Variants in PITPNC1 observed in about 807,000 individuals in gnomAD.
PITPNC1 encodes the protein phosphatidylinositol transfer protein cytoplasmic 1.
PITPNC1 carries 18 observed loss-of-function variants against 44.7 expected under a neutral mutation model. The ratio of observed to expected loss-of-function variants is 0.40; its 90% CI spans 0.28 to 0.60. PITPNC1 has a LOEUF of 0.60. PITPNC1 is among the 20% of genes least tolerant of loss of function. The probability of loss-of-function intolerance (pLI) is 0.39; values close to 1 mark genes in which losing one functional copy is unlikely to be tolerated. For synonymous variants in PITPNC1, 141 were observed against 149.6 expected (o/e 0.94, Z 0.42); for missense variants, 290 against 418.4 (o/e 0.69, Z 2.68).
At chr17:67,471,212 T>TAAA (rs150754373) in intron 1 of PITPNC1, among the ~76,000 whole-genome samples, 1 of 94,192 alleles carries the variant, frequency 1.1e-5, no homozygotes, top group Non-Finnish European at 2.2e-5. Context: ...AAAAATAAAT[T>TAAA]AAAAAAAAAA....
intron 1 of PITPNC1, among the ~76,000 whole-genome samples, chr17:67,494,064 A>G (rs925161136): frequency 2.0e-5 from 3 of 152,174 alleles, no homozygotes; most frequent in African/African-American, 7.2e-5. Context: ...CTGACCTTCC[A>G]GTGGGAGCTT....
intron 1 of PITPNC1, among the ~76,000 whole-genome samples, chr17:67,509,659 C>A (rs1225792306): frequency 6.6e-6 from 1 of 152,170 alleles, no homozygotes; most frequent in South Asian, 2.1e-4. Context: ...CTGTGGTCCC[C>A]TCTGATCAGA....
chr17:67,675,503 G>A lies in PITPNC1; in HGVS notation c.643G>A (p.Gly215Arg). The change falls in exon 8 of 9, where the codon GGA (glycine) becomes AGA (arginine). Residue 215 changes from glycine (G) to arginine (R), a missense_variant. By Grantham distance (125) the Gly-to-Arg change is moderately radical. Transcript: ENST00000581322. ...HKVVRDILLI[G>R]HRQAFAWVDE... ...GGTGGTCCGAGACATTCTGCTGATT[G>A]GACATAGACAGGCTTTTGCATGGGT... 6.2e-7 allele frequency: 1 copy of A among 1,610,982 alleles called. No homozygotes were observed. Among genetic ancestry groups the A allele is most frequent in the Non-Finnish European group, 8.5e-7 (1 of 1,177,188 alleles).
Position 67,446,638 on chromosome 17 carries a change from G to A in PITPNC1, c.48+68436G>A, listed in dbSNP as rs752320296. On this transcript the variant is annotated intron_variant, in intron 1 of 8. Coordinates refer to ENST00000581322, the MANE Select transcript of PITPNC1 (RefSeq NM_012417.4). ...GATACTTTAGTGTTTGTAAAGGGAG[G>A]GTTGACTATTTGTGCAGGTTTCAAA... Among the ~76,000 whole-genome samples the A allele has an allele frequency of 5.7e-4, 87 of 151,606 alleles. 2 individuals are homozygous for A. The highest frequency in any genetic ancestry group is 9.9e-4 in the Non-Finnish European group (67 of 67,886).
At chr17:67,652,467 G>A (rs561603931) in intron 6 of PITPNC1, among the ~76,000 whole-genome samples, 5 of 152,316 alleles carry the variant, frequency 3.3e-5, no homozygotes, top group African/African-American at 1.2e-4. Context: ...TGGCCCCAGG[G>A]AAACAGCCCT....
intron 4 of PITPNC1, among the ~76,000 whole-genome samples, chr17:67,561,258 C>A (rs2040903007): frequency 2.0e-5 from 3 of 152,172 alleles, no homozygotes; most frequent in Admixed American, 6.5e-5. Context: ...GAGTTCAAGG[C>A]AAGCCTGGCC....
At chr17:67,481,487 T>C (rs1401409185) in intron 1 of PITPNC1, among the ~76,000 whole-genome samples, 2 of 152,214 alleles carry the variant, frequency 1.3e-5, no homozygotes, top group Non-Finnish European at 2.9e-5. Flanking sequence ...TTTCGGTCTC[T>C]GCTAAATTTA....
At chr17:67,547,921 C>T (rs2040706738) in intron 2 of PITPNC1, among the ~76,000 whole-genome samples, 1 of 152,178 alleles carries the variant, frequency 6.6e-6, no homozygotes, top group African/African-American at 2.4e-5. Flanking sequence ...AACCTTGTTG[C>T]TGCTGATGCT....
chr17:67,426,558 T>G (rs191473167), intron 1 of PITPNC1, among the ~76,000 whole-genome samples: 100 of 144,118 alleles, frequency 6.9e-4, no homozygotes, highest in Middle Eastern at 3.5e-3. Context: ...AGTTGAACAA[T>G]GAGAACACAT....
Position 67,692,585 on chromosome 17 carries a change from T to C in PITPNC1, c.696T>C (p.Asp232=). The C allele has an allele frequency of 6.2e-7, 1 of 1,612,788 alleles. No individual in the cohort carries two copies. The highest frequency in any genetic ancestry group is 1.1e-5 in the South Asian group (1 of 91,072). ...TTCTCCTTGAAGACATGACAATGGA[T>C]GAAGTCCGAGAATTTGAACGAGCCA... ...WVDEWYDMTM[D]EVREFERATQ... Residue 232 remains aspartate, a synonymous_variant, in exon 9 of 9, where the codon GAT becomes GAC. Transcript: ENST00000581322.
chr17:67,511,439 C>T lies in PITPNC1; in HGVS notation c.49-21363C>T, dbSNP rs548847298. On this transcript the variant is annotated intron_variant, in intron 1 of 8. Coordinates refer to ENST00000581322, the MANE Select transcript of PITPNC1 (RefSeq NM_012417.4). ...GTTGCCAAATCATCTTCCTAAAGGA[C>T]TTAACCATTTTGTTCTTCCACCACA... Among the ~76,000 whole-genome samples the T allele has an allele frequency of 4.6e-5, 7 of 152,298 alleles. No homozygotes were observed. In the South Asian group the frequency reaches 1.4e-3, roughly 32 times the overall value.
At chr17:67,419,855 G>A (rs1256625195) in intron 1 of PITPNC1, among the ~76,000 whole-genome samples, 3 of 151,910 alleles carry the variant, frequency 2.0e-5, no homozygotes, top group African/African-American at 7.3e-5. Flanking sequence ...GCAGTGAGCC[G>A]AGACTGTGCC....
chr17:67,584,912 C>T (rs1265460843), intron 5 of PITPNC1, among the ~76,000 whole-genome samples: 1 of 151,878 alleles, frequency 6.6e-6, no homozygotes, highest in Non-Finnish European at 1.5e-5. Context: ...GTCGGGAGTT[C>T]GAGATCAGCC....
chr17:67,458,644 A>T (rs1436553642), intron 1 of PITPNC1, among the ~76,000 whole-genome samples: 2 of 152,182 alleles, frequency 1.3e-5, no homozygotes, highest in Admixed American at 6.5e-5. Flanking sequence ...TTGTAGTTTT[A>T]TCATTCCAAG....
At chr17:67,408,106 C>T (rs533028252) in intron 1 of PITPNC1, among the ~76,000 whole-genome samples, 18 of 150,740 alleles carry the variant, frequency 1.2e-4, no homozygotes, top group African/African-American at 2.9e-4. Context: ...AGGCATGCAC[C>T]GCCACGCCCA....
intron 1 of PITPNC1, among the ~76,000 whole-genome samples, chr17:67,435,202 C>G (rs547236098): frequency 6.6e-6 from 1 of 151,726 alleles, no homozygotes; most frequent in South Asian, 2.1e-4. Flanking sequence ...AATTACGCAA[C>G]CTCAGTTACT....
In PITPNC1 at chr17:67,695,622, AT is replaced by A. The variant is rs1404059636; in HGVS notation, c.*2735del. 1.4e-5 allele frequency: 2 copies of A among 147,754 alleles called. No individual in the cohort carries two copies. The highest frequency in any genetic ancestry group is 5.0e-5 in the African/African-American group (2 of 40,392). The allele number at this position is 147,754 out of a possible 1,614,324, so 9.2% of individuals were successfully genotyped here. A position where few individuals can be genotyped will look rare whatever the true frequency, so the allele number is the denominator to read the frequency against. The stretch of plus-strand genomic sequence containing the variant: ...TATACCTGTGTATATATATATATAT[AT>A]ATATATATAAATATAAATATAGTAT... On this transcript the variant is annotated 3_prime_UTR_variant, in exon 9 of 9. Coordinates refer to ENST00000581322, the MANE Select transcript of PITPNC1 (RefSeq NM_012417.4).
At chr17:67,561,825 G>A (rs2040910800) in intron 4 of PITPNC1, among the ~76,000 whole-genome samples, 2 of 152,084 alleles carry the variant, frequency 1.3e-5, no homozygotes, top group African/African-American at 4.8e-5. Flanking sequence ...TGACCTCCTG[G>A]GCTCAAGCAA....
intron 1 of PITPNC1, among the ~76,000 whole-genome samples, chr17:67,397,345 C>A (rs1183966007): frequency 6.8e-6 from 1 of 147,808 alleles, no homozygotes. Context: ...GCAGCCAGAT[C>A]CCTGGTATCA....
Sources: allele counts gnomAD v4.1 joint callset (sites outside exome capture counted in the v4.1 genomes callset), GRCh38; gene constraint gnomAD v4.1.1; transcripts MANE v1.5; gene names NCBI Gene and HGNC (gene_info 2026-07-23, HGNC 2026-07-21).